PARP1: variants seen among roughly 807,000 people sequenced by gnomAD.
The protein encoded by PARP1 is poly(ADP-ribose) polymerase 1.
A neutral mutation model predicts 118.7 loss-of-function variants in PARP1; 44 were observed. The ratio of observed to expected loss-of-function variants is 0.37; its 90% CI spans 0.29 to 0.48. PARP1 has a LOEUF of 0.48. PARP1 is among the 20% of genes least tolerant of loss of function. PARP1 has a pLI of 0.99. For missense variants in PARP1, 1,100 were observed against 1,272.4 expected (o/e 0.86, Z 2.06); for synonymous variants, 492 against 483.2 (o/e 1.02, Z -0.24).
At chr1:226,383,503 A>G (rs896489809) in intron 7 of PARP1, among the ~76,000 whole-genome samples, 1 of 152,242 alleles carries the variant, frequency 6.6e-6, no homozygotes, top group Non-Finnish European at 1.5e-5. Flanking sequence ...GAACTGCTGT[A>G]TGACTACAAC....
chr1:226,367,905 A>G (rs1215050567), intron 16 of PARP1, among the ~76,000 whole-genome samples: 7 of 152,302 alleles, frequency 4.6e-5, no homozygotes, highest in Non-Finnish European at 2.9e-5. Flanking sequence ...ATGGGTCCTG[A>G]GCCAGGAGCT....
At chr1:226,379,804 G>T in intron 10 of PARP1, 118 bp downstream of exon 10, 2 of 1,525,834 alleles carry the variant, frequency 1.3e-6, no homozygotes, top group Non-Finnish European at 1.8e-6. Flanking sequence ...TCTGTGTCCT[G>T]CTCTGCAGCA....
At chr1:226,379,525 G>T in intron 11 of PARP1, 48 bp downstream of exon 11, 1 of 1,470,610 alleles carries the variant, frequency 6.8e-7, no homozygotes, top group Non-Finnish European at 9.5e-7. Context: ...GTCAGCTGGG[G>T]GTTGGGGGGC....
At chr1:226,393,152 A>G (rs527595731) in intron 2 of PARP1, among the ~76,000 whole-genome samples, 1 of 152,322 alleles carries the variant, frequency 6.6e-6, no homozygotes, top group African/African-American at 2.4e-5. Flanking sequence ...CGCAGGGCAC[A>G]CTGTCAATAT....
At chr1:226,381,511 G>A (rs1040516992) in intron 8 of PARP1, among the ~76,000 whole-genome samples, 2 of 152,248 alleles carry the variant, frequency 1.3e-5, no homozygotes, top group African/African-American at 4.8e-5. Context: ...GGCTAGGAAG[G>A]CTGCATCTGC....
At chr1:226,383,917 C>T (rs1422178638) in intron 7 of PARP1, among the ~76,000 whole-genome samples, 3 of 152,192 alleles carry the variant, frequency 2.0e-5, no homozygotes, top group Non-Finnish European at 4.4e-5. Flanking sequence ...AGATTGCTTC[C>T]GACACACACA....
chr1:226,367,339 T>C (rs1664290645), intron 17 of PARP1, 141 bp downstream of exon 17: 2 of 1,022,744 alleles, frequency 2.0e-6, no homozygotes, highest in South Asian at 2.6e-5. Flanking sequence ...GTCCGGGAAC[T>C]TGTTAGAAAA....
intron 15 of PARP1, among the ~76,000 whole-genome samples, chr1:226,369,413 T>C (rs1664334999): frequency 6.6e-6 from 1 of 152,188 alleles, no homozygotes; most frequent in Non-Finnish European, 1.5e-5. Flanking sequence ...CCTTGAAAGA[T>C]GCTCAAAGAA....
chr1:226,398,549 G>A (rs1664969447), intron 2 of PARP1, among the ~76,000 whole-genome samples: 1 of 151,646 alleles, frequency 6.6e-6, no homozygotes, highest in African/African-American at 2.4e-5. Flanking sequence ...AAAAAAGTGG[G>A]GGTAGGGGCA....
intron 3 of PARP1, 61 bp from the exon 4 acceptor site, chr1:226,390,685 C>A: frequency 6.8e-7 from 1 of 1,480,876 alleles, no homozygotes; most frequent in Non-Finnish European, 9.3e-7. Flanking sequence ...GAACATGATA[C>A]GGGCAGCCTG....
intron 14 of PARP1, among the ~76,000 whole-genome samples, chr1:226,372,238 TG>T: frequency 6.6e-6 from 1 of 152,350 alleles, no homozygotes; most frequent in East Asian, 1.9e-4. Flanking sequence ...CAATCCCACG[TG>T]GACCCCGCTG....
At chr1:226,392,474 G>A (rs750606082) in intron 2 of PARP1, among the ~76,000 whole-genome samples, 160 bp from the exon 3 acceptor site, 5 of 152,138 alleles carry the variant, frequency 3.3e-5, no homozygotes, top group Non-Finnish European at 5.9e-5. Flanking sequence ...TGTAACAACC[G>A]TGGTCAGCTA....
chr1:226,373,616 C>G (rs1664436113), intron 14 of PARP1, among the ~76,000 whole-genome samples: 1 of 152,202 alleles, frequency 6.6e-6, no homozygotes, highest in African/African-American at 2.4e-5. Flanking sequence ...AGAAGCATGA[C>G]TAATCCAGCA....
chr1:226,395,847 A>C (rs1422742304), intron 2 of PARP1, among the ~76,000 whole-genome samples: 6 of 152,208 alleles, frequency 3.9e-5, no homozygotes, highest in African/African-American at 9.7e-5. Context: ...ATACTGTCTA[A>C]CTCCACTTAC....
chr1:226,364,772 C>T (rs1263081341), intron 19 of PARP1, among the ~76,000 whole-genome samples: 3 of 152,252 alleles, frequency 2.0e-5, no homozygotes, highest in Non-Finnish European at 4.4e-5. Flanking sequence ...TCAACACACC[C>T]GATTAGCATC....
At chr1:226,405,316 G>A (rs944041867) in intron 1 of PARP1, among the ~76,000 whole-genome samples, 1 of 126,874 alleles carries the variant, frequency 7.9e-6, no homozygotes, top group Non-Finnish European at 1.8e-5. Flanking sequence ...TTTTCAGACA[G>A]GGTCTGGGTC....
At chr1:226,392,794 ATTAGT>A in intron 2 of PARP1, 3 of 722,148 alleles carry the variant, frequency 4.2e-6, no homozygotes, top group Non-Finnish European at 6.6e-6. Context: ...ATCATTTCAA[ATTAGT>A]GGGAAAAGGT....
At chr1:226,361,599 C>A in intron 22 of PARP1, 58 bp from the exon 23 acceptor site, 1 of 1,196,260 alleles carries the variant, frequency 8.4e-7, no homozygotes, top group South Asian at 1.2e-5. Context: ...TGTACATGTG[C>A]CTCATCTCCC....
intron 16 of PARP1, 35 bp from the exon 17 acceptor site, chr1:226,367,643 T>C: frequency 1.2e-6 from 2 of 1,612,932 alleles, no homozygotes; most frequent in South Asian, 1.1e-5. Flanking sequence ...GACTTAGGTA[T>C]CATGGTGAAT....
Sources: gnomAD v4.1 joint callset for allele counts (sites outside exome capture counted in the v4.1 genomes callset) on GRCh38, gnomAD v4.1.1 for gene constraint, MANE v1.5 for transcripts, NCBI Gene and HGNC (gene_info 2026-07-23, HGNC 2026-07-21) for gene names.